Variants in LDLRAD4 observed in about 807,000 individuals in gnomAD.
LDLRAD4 encodes the protein low-density lipoprotein receptor class A domain-containing protein 4.
Under a neutral mutation model 17.0 loss-of-function variants are expected in LDLRAD4, and 5 were observed. The ratio of observed to expected loss-of-function variants is 0.29; its 90% CI spans 0.15 to 0.62. LDLRAD4 has a LOEUF of 0.62. Among genes scored for constraint, LDLRAD4 ranks in the 20% least tolerant of loss-of-function variants. The probability of loss-of-function intolerance (pLI) is 0.84; values close to 1 mark genes in which losing one functional copy is unlikely to be tolerated. For missense variants in LDLRAD4, 340 were observed against 424.7 expected, an observed-to-expected ratio of 0.80 and a Z score of 1.75; for synonymous variants, 168 against 171.8, an observed-to-expected ratio of 0.98 and a Z score of 0.17.
At chr18:13,228,146 G>A (rs2041902409) in intron 1 of LDLRAD4, among the ~76,000 whole-genome samples, 1 of 152,200 alleles carries the variant, frequency 6.6e-6, no homozygotes, top group African/African-American at 2.4e-5. Context: ...TGGCAGTGCT[G>A]AGGCCTTGGA....
At chr18:13,364,352 A>T (rs948961007) in intron 1 of LDLRAD4, among the ~76,000 whole-genome samples, 4 of 151,514 alleles carry the variant, frequency 2.6e-5, no homozygotes, top group East Asian at 1.9e-4. Flanking sequence ...ATTTTTTTTT[A>T]AAAGAGACAA....
intron 3 of LDLRAD4, chr18:13,471,690 G>A (rs138983493): frequency 9.8e-5 from 15 of 152,736 alleles, no homozygotes; most frequent in Middle Eastern, 3.4e-3. Context: ...AGGAGGTGCC[G>A]GGTGAAGAGG....
intron 2 of LDLRAD4, among the ~76,000 whole-genome samples, chr18:13,430,536 T>C (rs1199894727): frequency 6.6e-6 from 1 of 152,106 alleles, no homozygotes. Flanking sequence ...TTGTACACAG[T>C]GAGATCCCGG....
rs78126132 is a variant in LDLRAD4 at position 13,442,593 on chromosome 18, C to T, written c.181+4209C>T. On this transcript the variant is annotated intron_variant, in intron 3 of 5. Coordinates refer to ENST00000359446, the Ensembl canonical transcript of LDLRAD4. ...TGCACCTCCTGCCCTGGTCCTAGGACGGGCCACCTGCTGGCCGGCCGGCTG... is the reference window on the plus strand; with the variant it reads ...TGCACCTCCTGCCCTGGTCCTAGGATGGGCCACCTGCTGGCCGGCCGGCTG... 1.9e-3 allele frequency among the ~76,000 whole-genome samples: 289 copies of T among 152,320 alleles called. 1 individual carries two copies. Among genetic ancestry groups the T allele is most frequent in the East Asian group, 0.015 (78 of 5,178 alleles).
chr18:13,438,591 C>T (rs898055539), intron 3 of LDLRAD4, among the ~76,000 whole-genome samples: 5 of 152,246 alleles, frequency 3.3e-5, no homozygotes, highest in East Asian at 1.9e-4. Context: ...AAGTGGTCAG[C>T]GGAGCTGTTT....
intron 3 of LDLRAD4, among the ~76,000 whole-genome samples, chr18:13,607,431 ATTATT>A (rs1013717286): frequency 2.0e-5 from 3 of 151,964 alleles, no homozygotes; most frequent in African/African-American, 7.2e-5. Context: ...TTTTTTTCTT[ATTATT>A]TTATTTTACT....
chr18:13,600,004 G>A (rs2148623362), intron 3 of LDLRAD4, among the ~76,000 whole-genome samples: 1 of 152,260 alleles, frequency 6.6e-6, no homozygotes, highest in Non-Finnish European at 1.5e-5. Flanking sequence ...AATAGAGACA[G>A]GGTCTCACTA....
intron 2 of LDLRAD4, among the ~76,000 whole-genome samples, chr18:13,395,744 G>A (rs1250330251): frequency 7.1e-6 from 1 of 141,704 alleles, no homozygotes; most frequent in Non-Finnish European, 1.5e-5. Flanking sequence ...AAGTTGGCGT[G>A]GGGTGGGGAG....
chr18:13,252,808 T>C (rs907881752), intron 1 of LDLRAD4, among the ~76,000 whole-genome samples: 4 of 152,262 alleles, frequency 2.6e-5, no homozygotes, highest in African/African-American at 9.6e-5. Context: ...CACAGCTGTT[T>C]CTGCGCAGGG....
rs900908142 is a variant in LDLRAD4, at chr18:13,645,532, T to C, written c.796T>C (p.Ser266Pro). ...GGTGATGGGCCACCACCCAGGCGCC[T>C]CTTTCCTCCATCACCAGCGCAGCAA... The change falls in exon 6 of 6, where the codon TCT (serine) becomes CCT (proline). Residue 266 changes from serine (S) to proline (P), a missense_variant. Coordinates refer to ENST00000359446, the Ensembl canonical transcript of LDLRAD4. The surrounding 1 kb of genome is among the most constrained non-coding windows in gnomAD (Gnocchi z 5.7). 15 of 1,610,676 alleles carry C rather than the reference T, an allele frequency of 9.3e-6. No individual in the cohort carries two copies. Among genetic ancestry groups the C allele is most frequent in the Non-Finnish European group, 1.3e-5 (15 of 1,178,644 alleles).
At chr18:13,609,497 C>T (rs2039280214) in intron 3 of LDLRAD4, among the ~76,000 whole-genome samples, 1 of 151,414 alleles carries the variant, frequency 6.6e-6, no homozygotes, top group African/African-American at 2.4e-5. Context: ...TCCCCAGACA[C>T]CCACAGGAGC....
chr18:13,384,371 GAATT>G (rs1313060738), intron 1 of LDLRAD4, among the ~76,000 whole-genome samples: 1 of 152,184 alleles, frequency 6.6e-6, no homozygotes, highest in Non-Finnish European at 1.5e-5. Context: ...CAATTCAAAT[GAATT>G]AATATATCCA....
At chr18:13,564,418 C>T (rs931725872) in intron 3 of LDLRAD4, among the ~76,000 whole-genome samples, 15 of 151,892 alleles carry the variant, frequency 9.9e-5, no homozygotes, top group Non-Finnish European at 1.9e-4. Flanking sequence ...CCAGCGCTCG[C>T]CTTTGCCAGG....
chr18:13,402,971 T>C (rs2087364637), intron 2 of LDLRAD4, among the ~76,000 whole-genome samples: 1 of 152,166 alleles, frequency 6.6e-6, no homozygotes, highest in Non-Finnish European at 1.5e-5. Flanking sequence ...CCAAATGATA[T>C]GTGGTTAAAT....
Position 13,645,077 on chromosome 18 carries a change from G to T in LDLRAD4, c.391-50G>T, listed in dbSNP as rs1235902331. On this transcript the variant is annotated intron_variant, in intron 5 of 5. Transcript: ENST00000359446. This position sits in a 1 kb window ranked among gnomAD's most constrained non-coding sequence, Gnocchi z 5.7. ...TTTCCTTGATTCTGACACATTTATG[G>T]TCATCATTGCGCTCAAACTGTCTTC... The T allele has an allele frequency of 2.0e-6, 3 of 1,472,518 alleles. No individual in the cohort carries two copies. The highest frequency in any genetic ancestry group is 1.4e-5 in the African/African-American group (1 of 71,798). The allele number at this position is 1,472,518 out of a possible 1,614,324, so 91.2% of individuals were successfully genotyped here.
intron 2 of LDLRAD4, among the ~76,000 whole-genome samples, chr18:13,432,111 T>A (rs1288366577): frequency 1.3e-5 from 2 of 152,216 alleles, no homozygotes; most frequent in African/African-American, 4.8e-5. Flanking sequence ...CTACTCAACA[T>A]GTGCACCTTG....
intron 2 of LDLRAD4, among the ~76,000 whole-genome samples, chr18:13,404,490 GT>G (rs2087535669): frequency 6.6e-6 from 1 of 152,142 alleles, no homozygotes; most frequent in East Asian, 1.9e-4. Flanking sequence ...CACTTTTATT[GT>G]CGTTAAAAAT....
Position 13,613,474 on chromosome 18 carries a change from T to C in LDLRAD4, c.182-7643T>C, listed in dbSNP as rs563990937. 7 of 152,352 alleles carry C rather than the reference T, an allele frequency of 4.6e-5. No individual in the cohort carries two copies. In the South Asian group the frequency reaches 1.5e-3, roughly 32 times the overall value. The allele number at this position is 152,352 out of a possible 1,614,324, so 9.4% of individuals were successfully genotyped here. A position where few individuals can be genotyped will look rare whatever the true frequency, so the allele number is the denominator to read the frequency against. On this transcript the variant is annotated intron_variant, in intron 3 of 5. Coordinates refer to ENST00000359446, the Ensembl canonical transcript of LDLRAD4. ...GGGGGAATTATGGCTTATGTATGTA[T>C]TTTTTTCCATTTATAGCATGGCAGA... is the stretch of plus-strand genomic sequence containing the variant.
intron 1 of LDLRAD4, among the ~76,000 whole-genome samples, chr18:13,361,329 G>T (rs2083655148): frequency 6.6e-6 from 1 of 152,270 alleles, no homozygotes; most frequent in Non-Finnish European, 1.5e-5. Context: ...CACCCACCTT[G>T]TTTCCTGTCA....
Sources: gnomAD v4.1 joint callset for allele counts (sites outside exome capture counted in the v4.1 genomes callset) on GRCh38, gnomAD v4.1.1 for gene constraint, Gnocchi (gnomAD v3.1) non-coding constraint, MANE v1.5 for transcripts, NCBI Gene and HGNC (gene_info 2026-07-23, HGNC 2026-07-21) for gene names.